The following SUCLG1 variants were observed in gnomAD, a reference collection of about 807,000 sequenced individuals.
The protein encoded by SUCLG1 is succinate--CoA ligase [ADP/GDP-forming] subunit alpha, mitochondrial.
Under a neutral mutation model 37.3 loss-of-function variants are expected in SUCLG1, and 26 were observed. The ratio of observed to expected loss-of-function variants is 0.70; its 90% CI spans 0.51 to 0.97. The LOEUF is 0.97. Among genes scored for constraint, SUCLG1 ranks in the 50% least tolerant of loss-of-function variants. The pLI is 0.00. For synonymous variants in SUCLG1, 163 were observed against 155.6 expected, an observed-to-expected ratio of 1.05 and a Z score of -0.36; for missense variants, 433 against 432.9, an observed-to-expected ratio of 1.00 and a Z score of 0.00.
rs754103403 is a variant in SUCLG1, at chr2:84,423,660, T to C, written c.*86A>G. On this transcript the variant is annotated 3_prime_UTR_variant, in exon 9 of 9. Transcript: ENST00000393868. ...GACCAGTGTCAGGCACATAGGCTGA[T>C]TAATCAGTGGACAACAGAAGCAAAC... is the stretch of plus-strand genomic sequence containing the variant. 1 of 1,346,030 alleles carries C rather than the reference T, an allele frequency of 7.4e-7. No homozygotes were observed. The highest frequency in any genetic ancestry group is 1.0e-6 in the Non-Finnish European group (1 of 953,590). 83.4% of individuals were successfully genotyped at this position (1,346,030 alleles called of 1,614,324 possible).
chr2:84,455,679 C>CA (rs1205743720), intron 1 of SUCLG1, among the ~76,000 whole-genome samples: 1 of 150,298 alleles, frequency 6.7e-6, no homozygotes, highest in African/African-American at 2.4e-5. Flanking sequence ...ACTAAAAATA[C>CA]AAAAAAATTA....
chr2:84,425,800 C>T, intron 7 of SUCLG1, 197 bp from the exon 8 acceptor site: 2 of 629,858 alleles, frequency 3.2e-6, no homozygotes, highest in Non-Finnish European at 5.6e-6. Flanking sequence ...TCCATACAAA[C>T]TCAGGAATAC....
At chr2:84,450,779 A>C (rs1672928085) in intron 1 of SUCLG1, among the ~76,000 whole-genome samples, 1 of 152,116 alleles carries the variant, frequency 6.6e-6, no homozygotes, top group Non-Finnish European at 1.5e-5. Context: ...CCTCATACCC[A>C]CCTAAGTCCT....
chr2:84,423,733 T>A lies in SUCLG1; in HGVS notation c.*13A>T, dbSNP rs1672490984. 1 of 1,534,324 alleles carries A rather than the reference T, an allele frequency of 6.5e-7. No homozygotes were observed. Among genetic ancestry groups the A allele is most frequent in the Admixed American group, 1.8e-5 (1 of 56,086 alleles). The stretch of plus-strand genomic sequence containing the variant: ...GTGATCCATTCCACAGTTTTAGGAA[T>A]TTTTTTTTTCTTTCATAGCATCTTC... On this transcript the variant is annotated 3_prime_UTR_variant, in exon 9 of 9. Transcript: ENST00000393868.
chr2:84,452,546 TAAG>T (rs1558615223), intron 1 of SUCLG1, among the ~76,000 whole-genome samples: 1 of 152,218 alleles, frequency 6.6e-6, no homozygotes. Context: ...GATCTGAGAT[TAAG>T]AAGAATAGAA....
intron 6 of SUCLG1, 63 bp from the exon 7 acceptor site, chr2:84,431,722 A>G: frequency 1.9e-6 from 3 of 1,571,274 alleles, no homozygotes; most frequent in Non-Finnish European, 8.7e-7. Context: ...ATTTAGGTCA[A>G]TAAATGTTTT....
At position 84,443,417 on chromosome 2, in the gene SUCLG1, C is replaced by G; in HGVS notation, c.202-17G>C. ...AAAGGTGCCCTGAGGGGAAAAAGCA[C>G]AAGATCCATGAGAAACAGCAGACTG... On this transcript the variant is annotated splice_polypyrimidine_tract_variant and intron_variant, in intron 2 of 8. Transcript: ENST00000393868. The G allele has an allele frequency of 6.2e-7, 1 of 1,611,566 alleles. No individual in the cohort carries two copies. Among genetic ancestry groups the G allele is most frequent in the Admixed American group, 1.7e-5 (1 of 59,984 alleles).
intron 7 of SUCLG1, among the ~76,000 whole-genome samples, chr2:84,427,169 T>C (rs1672546832): frequency 6.6e-6 from 1 of 152,218 alleles, no homozygotes; most frequent in African/African-American, 2.4e-5. Context: ...TTATTTAAGC[T>C]GAAGTATAAA....
intron 2 of SUCLG1, among the ~76,000 whole-genome samples, chr2:84,443,611 C>T (rs1179706002): frequency 2.0e-5 from 3 of 152,202 alleles, no homozygotes; most frequent in Non-Finnish European, 4.4e-5. Context: ...CTTTGATTCC[C>T]TGTTTTCAAA....
At chr2:84,451,988 G>A (rs553999513) in intron 1 of SUCLG1, among the ~76,000 whole-genome samples, 7 of 152,146 alleles carry the variant, frequency 4.6e-5, no homozygotes, top group Non-Finnish European at 1.0e-4. Context: ...TGCCAGACAA[G>A]GTTATCATCT....
At chr2:84,448,520 CAAAAAAAAAAA>C (rs59457991) in intron 2 of SUCLG1, among the ~76,000 whole-genome samples, 8 of 125,160 alleles carry the variant, frequency 6.4e-5, no homozygotes, top group African/African-American at 1.2e-4. Flanking sequence ...CTTAAATTAC[CAAAAAAAAAAA>C]AAAAAAAAAA....
intron 2 of SUCLG1, among the ~76,000 whole-genome samples, chr2:84,449,445 C>A (rs1050128061): frequency 6.6e-6 from 1 of 152,056 alleles, no homozygotes; most frequent in African/African-American, 2.4e-5. Flanking sequence ...ACAATATACT[C>A]CTTTGCAAGG....
At chr2:84,440,490 T>C (rs1367195894) in intron 5 of SUCLG1, among the ~76,000 whole-genome samples, 1 of 152,192 alleles carries the variant, frequency 6.6e-6, no homozygotes, top group Non-Finnish European at 1.5e-5. Context: ...TATTTGGCAG[T>C]TTCTTATAAA....
intron 2 of SUCLG1, among the ~76,000 whole-genome samples, chr2:84,447,904 G>GC (rs1553394182): frequency 6.6e-6 from 1 of 151,332 alleles, no homozygotes; most frequent in Non-Finnish European, 1.5e-5. Flanking sequence ...TAATTTTTCT[G>GC]TTTTTTTTGT....
At chr2:84,449,773 A>C (rs757988903) in intron 1 of SUCLG1, 21 bp from the exon 2 acceptor site, 4 of 1,413,660 alleles carry the variant, frequency 2.8e-6, no homozygotes, top group Non-Finnish European at 3.9e-6. Flanking sequence ...AAAAAAAAAA[A>C]AAAAAAAAAA....
Position 84,423,529 on chromosome 2 carries a change from T to C in SUCLG1, c.*217A>G. 1 of 604,292 alleles carries C rather than the reference T, an allele frequency of 1.7e-6. No homozygotes were observed. Among genetic ancestry groups the C allele is most frequent in the South Asian group, 2.0e-5 (1 of 50,662 alleles). The allele number at this position is 604,292 out of a possible 1,614,324, so 37.4% of individuals were successfully genotyped here. A position where few individuals can be genotyped will look rare whatever the true frequency, so the allele number is the denominator to read the frequency against. ...CAATAATAAGCCTCCAAAACCATAT[T>C]GAAATCAAATAGTAGATTTATTGGC... On this transcript the variant is annotated 3_prime_UTR_variant, in exon 9 of 9. Transcript: ENST00000393868.
chr2:84,443,276 C>A lies in SUCLG1; in HGVS notation c.318+8G>T. On this transcript the variant is annotated splice_region_variant and intron_variant, in intron 3 of 8. Transcript: ENST00000393868. ...CTTGTCTTGCCAAACTCAGGTACCA[C>A]TAATTACCTCCTTCACAGTATTAAA... 6.2e-7 allele frequency: 1 copy of A among 1,609,510 alleles called. No individual in the cohort carries two copies. The highest frequency in any genetic ancestry group is 8.5e-7 in the Non-Finnish European group (1 of 1,175,778).
chr2:84,454,799 G>A (rs1423702700), intron 1 of SUCLG1, among the ~76,000 whole-genome samples: 1 of 152,166 alleles, frequency 6.6e-6, no homozygotes, highest in Non-Finnish European at 1.5e-5. Flanking sequence ...CTGGTGGGAT[G>A]AATGATGCAA....
At chr2:84,427,465 G>T (rs567320479) in intron 7 of SUCLG1, among the ~76,000 whole-genome samples, 42 of 152,306 alleles carry the variant, frequency 2.8e-4, no homozygotes, top group African/African-American at 9.1e-4. Context: ...TGGGTTCACT[G>T]AGTTATGCAG....
Sources: allele counts gnomAD v4.1 joint callset (sites outside exome capture counted in the v4.1 genomes callset), GRCh38; gene constraint gnomAD v4.1.1; transcripts MANE v1.5; gene names NCBI Gene and HGNC (gene_info 2026-07-23, HGNC 2026-07-21).